The following FBXO45 variants were observed in gnomAD, a reference collection of about 807,000 sequenced individuals.
FBXO45 encodes F-box protein 45.
In FBXO45, 3 loss-of-function variants were observed where a neutral mutation model predicts 25.5. That is an observed-to-expected ratio of 0.12 (90% CI 0.05 to 0.30). The LOEUF (loss-of-function observed/expected upper bound fraction) is 0.30. Among genes scored for constraint, FBXO45 ranks in the 10% least tolerant of loss-of-function variants. The pLI is 1.00. For synonymous variants in FBXO45, 155 were observed against 149.8 expected (o/e 1.03, Z -0.25); for missense variants, 219 against 365.0 (o/e 0.60, Z 3.26).
intron 1 of FBXO45, among the ~76,000 whole-genome samples, chr3:196,571,794 T>A (rs911079118): frequency 7.2e-5 from 11 of 152,262 alleles, no homozygotes; most frequent in Non-Finnish European, 1.5e-4. Context: ...GCTTTTCTGC[T>A]ATGTGCATTA....
At chr3:196,575,714 T>G (rs1235784743) in intron 1 of FBXO45, among the ~76,000 whole-genome samples, 2 of 151,228 alleles carry the variant, frequency 1.3e-5, no homozygotes, top group East Asian at 3.9e-4. Flanking sequence ...TCTCACTTTG[T>G]CACCCAGGCT....
At chr3:196,580,653 C>T (rs1282880390) in intron 2 of FBXO45, among the ~76,000 whole-genome samples, 5 of 152,178 alleles carry the variant, frequency 3.3e-5, no homozygotes, top group South Asian at 4.1e-4. Flanking sequence ...GTGTTTAGTT[C>T]ATTTACCTTT....
chr3:196,583,315 G>A (rs1560319831), intron 2 of FBXO45, among the ~76,000 whole-genome samples: 1 of 152,104 alleles, frequency 6.6e-6, no homozygotes, highest in Admixed American at 6.5e-5. Context: ...AGACCATCCT[G>A]GCTAACACGG....
intron 2 of FBXO45, among the ~76,000 whole-genome samples, chr3:196,583,105 T>C (rs1044080293): frequency 5.9e-5 from 9 of 152,222 alleles, no homozygotes; most frequent in African/African-American, 2.2e-4. Context: ...GGTGGAATCA[T>C]ACCATTTAGC....
rs868138063 is a variant in FBXO45, at chr3:196,568,993, G to A, written c.9G>A (p.Ala3=). 8 of 991,190 alleles carry A rather than the reference G, an allele frequency of 8.1e-6. No individual in the cohort carries two copies. Among genetic ancestry groups the A allele is most frequent in the African/African-American group, 1.8e-5 (1 of 57,072 alleles). 61.4% of individuals were successfully genotyped at this position (991,190 alleles called of 1,614,324 possible). The part of the protein sequence containing the change: MA[A]PAPGAGAASG... ...GGCCGGCTGGTGAGGCGATGGCGGC[G>A]CCGGCCCCGGGGGCTGGGGCAGCCT... Residue 3 remains alanine, a synonymous_variant, in exon 1 of 3, where the codon GCG becomes GCA. Transcript: ENST00000311630.
At chr3:196,574,051 C>A (rs1735873465) in intron 1 of FBXO45, among the ~76,000 whole-genome samples, 1 of 150,820 alleles carries the variant, frequency 6.6e-6, no homozygotes, top group African/African-American at 2.4e-5. Context: ...GATTCTGCCT[C>A]AGCCTCCCAA....
chr3:196,575,877 C>T (rs1157512172), intron 1 of FBXO45, among the ~76,000 whole-genome samples: 1 of 152,082 alleles, frequency 6.6e-6, no homozygotes, highest in Non-Finnish European at 1.5e-5. Flanking sequence ...GGGGTTTCGC[C>T]ATGTTGCCCA....
intron 2 of FBXO45, among the ~76,000 whole-genome samples, chr3:196,579,740 T>A (rs770399836): frequency 2.6e-5 from 4 of 152,252 alleles, no homozygotes; most frequent in African/African-American, 4.8e-5. Context: ...TATTGAAATC[T>A]CCATCTATCC....
chr3:196,577,382 A>G lies in FBXO45; in HGVS notation c.319-71A>G, dbSNP rs1485959506. 3 of 1,153,048 alleles carry G rather than the reference A, an allele frequency of 2.6e-6. No individual in the cohort carries two copies. In the African/African-American group the frequency reaches 4.7e-5, roughly 18 times the overall value. 71.4% of individuals were successfully genotyped at this position (1,153,048 alleles called of 1,614,324 possible). Reference sequence around the variant, plus strand: ...CGTTATTTAAAAACATACAGCGTGAAGTTTGGGTAATTTTTAATATTTAAG... The same window carrying G: ...CGTTATTTAAAAACATACAGCGTGAGGTTTGGGTAATTTTTAATATTTAAG... On this transcript the variant is annotated intron_variant, in intron 1 of 2. Coordinates refer to ENST00000311630, the MANE Select transcript of FBXO45 (RefSeq NM_001105573.2).
At position 196,584,265 on chromosome 3, in the gene FBXO45, T is replaced by C; in HGVS notation, c.808T>C (p.Tyr270His). The change falls in exon 3 of 3, where the codon TAT (tyrosine) becomes CAT (histidine). Residue 270 changes from tyrosine (Y) to histidine (H), a missense_variant. By Grantham distance (83) the Tyr-to-His change is moderately conservative. Coordinates refer to ENST00000311630, the MANE Select transcript of FBXO45 (RefSeq NM_001105573.2). The surrounding 1 kb of genome is among the most constrained non-coding windows in gnomAD (Gnocchi z 4.3). The part of the protein sequence containing the change: ...VCLYPAVSAV[Y>H]GNTEVTLVYL... ...CTTATACCCAGCAGTTTCTGCTGTA[T>C]ATGGCAACACAGAAGTGACTTTGGT... is the stretch of plus-strand genomic sequence containing the variant. The C allele has an allele frequency of 6.2e-7, 1 of 1,613,160 alleles. No homozygotes were observed. Among genetic ancestry groups the C allele is most frequent in the Non-Finnish European group, 8.5e-7 (1 of 1,179,714 alleles).
chr3:196,572,395 TCAG>T (rs1735843236), intron 1 of FBXO45, among the ~76,000 whole-genome samples: 1 of 152,156 alleles, frequency 6.6e-6, no homozygotes, highest in African/African-American at 2.4e-5. Flanking sequence ...GCTCTGATTG[TCAG>T]TAGTGGAGGA....
At position 196,584,369 on chromosome 3, in the gene FBXO45, G is replaced by C; in HGVS notation, c.*51G>C. ...AGAATGGAGGAGAGATCTGCTTATG[G>C]GAAGTAGAACCATGAAGTGACTGTC... On this transcript the variant is annotated 3_prime_UTR_variant, in exon 3 of 3. Coordinates refer to ENST00000311630, the MANE Select transcript of FBXO45 (RefSeq NM_001105573.2). This position sits in a 1 kb window ranked among gnomAD's most constrained non-coding sequence, Gnocchi z 4.3. The C allele has an allele frequency of 1.3e-6, 2 of 1,494,490 alleles. No homozygotes were observed. The highest frequency in any genetic ancestry group is 1.8e-6 in the Non-Finnish European group (2 of 1,108,866). The allele number at this position is 1,494,490 out of a possible 1,614,324, so 92.6% of individuals were successfully genotyped here.
intron 2 of FBXO45, among the ~76,000 whole-genome samples, chr3:196,578,046 C>CTTTTTTTTTTTTTTTTTTTT (rs775555553): frequency 2.1e-5 from 2 of 94,058 alleles, no homozygotes; most frequent in African/African-American, 4.6e-5. Context: ...GAAAAATATT[C>CTTTTTTTTTTTTTTTTTTTT]TTTTTTTTTT....
In FBXO45 at chr3:196,584,890, TAAAA is replaced by T. The variant is rs1013933018; in HGVS notation, c.*575_*578del. ...ATATGTGTGTAAAAAAAAAAAACTGTAAAAAAGAAAGGACAAACAGGTTGTTTTG... is the reference window on the plus strand; with the variant it reads ...ATATGTGTGTAAAAAAAAAAAACTGTAAGAAAGGACAAACAGGTTGTTTTG... On this transcript the variant is annotated 3_prime_UTR_variant, in exon 3 of 3. Transcript: ENST00000311630. The surrounding 1 kb of genome is among the most constrained non-coding windows in gnomAD (Gnocchi z 4.3). The T allele has an allele frequency of 2.0e-5, 3 of 151,140 alleles. No individual in the cohort carries two copies. The highest frequency in any genetic ancestry group is 2.9e-5 in the Non-Finnish European group (2 of 67,860). 9.4% of individuals were successfully genotyped at this position (151,140 alleles called of 1,614,324 possible).
intron 2 of FBXO45, among the ~76,000 whole-genome samples, chr3:196,579,876 A>G (rs1735978837): frequency 6.6e-6 from 1 of 152,148 alleles, no homozygotes; most frequent in African/African-American, 2.4e-5. Context: ...TTCTTTTATT[A>G]TGAAATGACT....
chr3:196,574,139 T>G (rs1184907628), intron 1 of FBXO45, among the ~76,000 whole-genome samples: 1 of 152,118 alleles, frequency 6.6e-6, no homozygotes, highest in East Asian at 1.9e-4. Context: ...TTCACCATGT[T>G]GGCCAGGACG....
In FBXO45 at chr3:196,588,472, C is replaced by G. The variant is rs775926007; in HGVS notation, c.*4154C>G. ...TAGATAATCAGGACCACTTGGAAGCCTTTATTAGGAACAGCCCACACCCAG... is the reference window on the plus strand; with the variant it reads ...TAGATAATCAGGACCACTTGGAAGCGTTTATTAGGAACAGCCCACACCCAG... On this transcript the variant is annotated 3_prime_UTR_variant, in exon 3 of 3. Transcript: ENST00000311630. The surrounding 1 kb of genome is among the most constrained non-coding windows in gnomAD (Gnocchi z 4.2). 6.6e-6 allele frequency: 1 copy of G among 152,192 alleles called. No individual in the cohort carries two copies. The highest frequency in any genetic ancestry group is 2.4e-5 in the African/African-American group (1 of 41,442). 9.4% of individuals were successfully genotyped at this position (152,192 alleles called of 1,614,324 possible). A position where few individuals can be genotyped will look rare whatever the true frequency, so the allele number is the denominator to read the frequency against.
At chr3:196,583,815 C>G (rs919181980) in intron 2 of FBXO45, among the ~76,000 whole-genome samples, 2 of 151,864 alleles carry the variant, frequency 1.3e-5, no homozygotes, top group African/African-American at 2.4e-5. Context: ...GCCACCACAC[C>G]CAGCTAATTT....
intron 1 of FBXO45, among the ~76,000 whole-genome samples, chr3:196,570,582 G>A (rs1735801751): frequency 6.6e-6 from 1 of 151,890 alleles, no homozygotes; most frequent in South Asian, 2.1e-4. Context: ...GGAGTAAGAA[G>A]TAAAAATTTT....
Sources: gnomAD v4.1 joint callset for allele counts (sites outside exome capture counted in the v4.1 genomes callset) on GRCh38, gnomAD v4.1.1 for gene constraint, Gnocchi (gnomAD v3.1) non-coding constraint, MANE v1.5 for transcripts, NCBI Gene and HGNC (gene_info 2026-07-23, HGNC 2026-07-21) for gene names.